ACSF3: variants seen among roughly 807,000 people sequenced by gnomAD.
ACSF3 encodes the protein malonate--CoA ligase ACSF3, mitochondrial.
Under a neutral mutation model 53.2 loss-of-function variants are expected in ACSF3, and 78 were observed. The ratio of observed to expected loss-of-function variants is 1.47; its 90% CI spans 1.22 to 1.77. The LOEUF is 1.77. ACSF3 is among the 40% of genes most tolerant of loss of function. ACSF3 has a pLI of 0.00. For synonymous variants in ACSF3, 414 were observed against 333.1 expected (o/e 1.24, Z -2.65); for missense variants, 937 against 771.1 (o/e 1.22, Z -2.55).
chr16:89,154,017 C>A, intron 10 of ACSF3, 73 bp from the exon 11 acceptor site: 1 of 1,503,028 alleles, frequency 6.7e-7, no homozygotes, highest in Non-Finnish European at 9.1e-7. Flanking sequence ...CCTGTCCGTA[C>A]TGCTGGGCGC....
chr16:89,122,807 A>T (rs577611527), intron 7 of ACSF3: 112 of 152,534 alleles, frequency 7.3e-4, no homozygotes, highest in Non-Finnish European at 1.6e-3. Flanking sequence ...TTCTGTCTTA[A>T]ATTAAAACAA....
In ACSF3 at chr16:89,133,180, G is replaced by C. The variant is rs1909693302; in HGVS notation, c.1284G>C (p.Arg428Ser). Reference protein sequence around the residue: ...FEEKEGELLVRGPSVFREYWN... With the variant: ...FEEKEGELLVSGPSVFREYWN... ...AAAAGGAGGGGGAGCTGCTGGTGAG[G>C]GGACCCTCCGTGTTTCGAGAATACT... Residue 428 changes from arginine (R) to serine (S), a missense_variant, in exon 8 of 11, where the codon AGG becomes AGC. Transcript: ENST00000614302. 3.1e-6 allele frequency: 5 copies of C among 1,613,928 alleles called. No individual in the cohort carries two copies. Among genetic ancestry groups the C allele is most frequent in the Non-Finnish European group, 4.2e-6 (5 of 1,180,006 alleles).
At position 89,155,693 on chromosome 16, in the gene ACSF3, A is replaced by G; in HGVS notation, c.*1486A>G. On this transcript the variant is annotated 3_prime_UTR_variant, in exon 11 of 11. Coordinates refer to ENST00000614302, the MANE Select transcript of ACSF3 (RefSeq NM_001243279.3). ...ACGTTTGTGTCTAGGCCTTGCTGGT[A>G]GCTAAGGAAATGCCTTCTGTTGGGA... 1 of 454,182 alleles carries G rather than the reference A, an allele frequency of 2.2e-6. No individual in the cohort carries two copies. Among genetic ancestry groups the G allele is most frequent in the South Asian group, 1.6e-5 (1 of 64,484 alleles). The allele number at this position is 454,182 out of a possible 1,614,324, so 28.1% of individuals were successfully genotyped here.
chr16:89,121,642 CTG>C (rs757758081), intron 7 of ACSF3, among the ~76,000 whole-genome samples: 2 of 152,220 alleles, frequency 1.3e-5, no homozygotes, highest in Non-Finnish European at 2.9e-5. Flanking sequence ...ACATGATTGA[CTG>C]TGTTGCCCTG....
chr16:89,093,861 C>T lies in ACSF3; in HGVS notation c.-329C>T, dbSNP rs1168515704. 1.1e-5 allele frequency: 3 copies of T among 275,250 alleles called. No individual in the cohort carries two copies. Among genetic ancestry groups the T allele is most frequent in the Non-Finnish European group, 2.3e-5 (3 of 129,660 alleles). 17.1% of individuals were successfully genotyped at this position (275,250 alleles called of 1,614,324 possible). ...CCGCGCCGGGGAAGCTGTTGGGCGC[C>T]GGAACTGGTCCGGCCCGACTCACGA... On this transcript the variant is annotated 5_prime_UTR_variant, in exon 1 of 11. Coordinates refer to ENST00000614302, the MANE Select transcript of ACSF3 (RefSeq NM_001243279.3).
intron 8 of ACSF3, among the ~76,000 whole-genome samples, chr16:89,144,624 C>G (rs375003185): frequency 5.9e-5 from 9 of 152,236 alleles, no homozygotes; most frequent in African/African-American, 1.9e-4. Flanking sequence ...AATGGCAGGA[C>G]AGGGCCTGGT....
At chr16:89,121,529 C>T (rs1024079595) in intron 7 of ACSF3, among the ~76,000 whole-genome samples, 1 of 152,202 alleles carries the variant, frequency 6.6e-6, no homozygotes, top group Non-Finnish European at 1.5e-5. Context: ...GCTCATCACA[C>T]GTGAACTCAT....
intron 7 of ACSF3, among the ~76,000 whole-genome samples, chr16:89,125,776 A>G (rs192098238): frequency 1.4e-4 from 22 of 152,310 alleles, no homozygotes; most frequent in Admixed American, 1.3e-3. Flanking sequence ...AGAATTAACA[A>G]TTACTATGCT....
intron 8 of ACSF3, among the ~76,000 whole-genome samples, chr16:89,137,763 C>T (rs1165988211): frequency 2.0e-5 from 3 of 152,112 alleles, no homozygotes; most frequent in East Asian, 1.9e-4. Context: ...CTGCTCGGAG[C>T]GAGAAGGGAG....
chr16:89,109,310 T>G (rs538944175), intron 4 of ACSF3, among the ~76,000 whole-genome samples: 1 of 149,426 alleles, frequency 6.7e-6, no homozygotes, highest in East Asian at 2.0e-4. Context: ...TACGTTCTCA[T>G]CAGCAGCGTA....
intron 1 of ACSF3, among the ~76,000 whole-genome samples, chr16:89,097,676 G>A (rs1197072588): frequency 6.6e-6 from 1 of 152,206 alleles, no homozygotes. Flanking sequence ...GTCTGGTGAA[G>A]CCCAGTTGTT....
chr16:89,135,305 C>T (rs944405322), intron 8 of ACSF3, among the ~76,000 whole-genome samples: 1 of 152,234 alleles, frequency 6.6e-6, no homozygotes, highest in African/African-American at 2.4e-5. Flanking sequence ...GCAATGTTGG[C>T]CTGCAGCCTC....
chr16:89,143,208 TTGGTGCAGTCTCAGCCCCGTGCGTAGCTG>T lies in ACSF3; in HGVS notation c.1367-2050_1367-2022del, dbSNP rs550220922. ...TACATCCTCAGTGCCGTGCGTAGCT[TTGGTGCAGTCTCAGCCCCGTGCGTAGCTG>T]TGGTGCAGCCTCAGCCCCGTGAGTA... On this transcript the variant is annotated intron_variant, in intron 8 of 10. Coordinates refer to ENST00000614302, the MANE Select transcript of ACSF3 (RefSeq NM_001243279.3). Among the ~76,000 whole-genome samples the T allele has an allele frequency of 9.5e-3, 1,450 of 151,996 alleles. 19 individuals are homozygous for T. The highest frequency in any genetic ancestry group is 0.031 in the African/African-American group (1,285 of 41,522).
In ACSF3 at chr16:89,114,535, C is replaced by T. The variant is rs763766396; in HGVS notation, c.1126+48C>T. On this transcript the variant is annotated intron_variant, in intron 6 of 10. Transcript: ENST00000614302. ...CGTTCCTCTTCCACTGTGCTCTGAG[C>T]CCCCCAAGGTGGGCCAGTCTCGAAC... The T allele has an allele frequency of 5.6e-6, 9 of 1,602,454 alleles. No homozygotes were observed. The East Asian group carries it at 1.6e-4, about 28-fold the overall frequency.
At chr16:89,141,418 C>T (rs896640034) in intron 8 of ACSF3, 14 of 927,230 alleles carry the variant, frequency 1.5e-5, no homozygotes, top group African/African-American at 6.9e-5. Context: ...GCAGCGGGGC[C>T]GCCCCTTTGG....
At chr16:89,149,715 C>G (rs1913755948) in intron 10 of ACSF3, 2 of 152,308 alleles carry the variant, frequency 1.3e-5, no homozygotes, top group African/African-American at 4.8e-5. Flanking sequence ...GTGGCTGGGT[C>G]TAGGGCTTTT....
At chr16:89,097,189 T>C (rs1974724623) in intron 1 of ACSF3, among the ~76,000 whole-genome samples, 1 of 152,102 alleles carries the variant, frequency 6.6e-6, no homozygotes, top group South Asian at 2.1e-4. Context: ...AGCGTGTGGT[T>C]ACCGTGTGCA....
intron 8 of ACSF3, among the ~76,000 whole-genome samples, chr16:89,137,721 G>A (rs867776904): frequency 1.3e-5 from 2 of 152,094 alleles, no homozygotes; most frequent in African/African-American, 2.4e-5. Flanking sequence ...AGAGGGGAGT[G>A]GGGGGCTGGA....
At chr16:89,146,689 C>T (rs181837630) in intron 10 of ACSF3, among the ~76,000 whole-genome samples, 3 of 152,188 alleles carry the variant, frequency 2.0e-5, no homozygotes, top group Non-Finnish European at 4.4e-5. Context: ...CAGCGGTGGC[C>T]ACCACCCAGT....
Sources: allele counts gnomAD v4.1 joint callset (sites outside exome capture counted in the v4.1 genomes callset), GRCh38; gene constraint gnomAD v4.1.1; transcripts MANE v1.5; gene names NCBI Gene and HGNC (gene_info 2026-07-23, HGNC 2026-07-21).